NTF3: variants seen among roughly 807,000 people sequenced by gnomAD.
NTF3 encodes the protein neurotrophin 3.
Under a neutral mutation model 26.3 loss-of-function variants are expected in NTF3, and 8 were observed. The observed-to-expected ratio is 0.30, with a 90% confidence interval of 0.18 to 0.55. NTF3 has a LOEUF of 0.55. NTF3 is among the 20% of genes least tolerant of loss of function. The probability of loss-of-function intolerance (pLI) is 0.93; values close to 1 mark genes in which losing one functional copy is unlikely to be tolerated. For synonymous variants in NTF3, 154 were observed against 145.5 expected, an observed-to-expected ratio of 1.06 and a Z score of -0.42; for missense variants, 276 against 352.9, an observed-to-expected ratio of 0.78 and a Z score of 1.75.
chr12:5,481,955 G>GCA (rs140005260), intron 1 of NTF3, among the ~76,000 whole-genome samples: 5 of 149,484 alleles, frequency 3.3e-5, no homozygotes, highest in Admixed American at 6.7e-5. Flanking sequence ...TATGCACACA[G>GCA]CACACACACA....
intron 1 of NTF3, among the ~76,000 whole-genome samples, chr12:5,473,873 A>G (rs1940693521): frequency 6.6e-6 from 1 of 152,136 alleles, no homozygotes. Flanking sequence ...TTTGTGTGAG[A>G]TCACCCATGT....
intron 1 of NTF3, among the ~76,000 whole-genome samples, chr12:5,453,117 T>C (rs75914879): frequency 0.1 from 15,318 of 152,284 alleles, 749 homozygotes; most frequent in Middle Eastern, 0.15. Flanking sequence ...TGAACACATG[T>C]AGAATGCTTA....
chr12:5,446,266 C>T (rs1407694912), intron 1 of NTF3, among the ~76,000 whole-genome samples: 1 of 152,160 alleles, frequency 6.6e-6, no homozygotes, highest in Non-Finnish European at 1.5e-5. Flanking sequence ...CTTGAGGGCA[C>T]AGTTTGCATA....
At chr12:5,461,335 T>G (rs975638869) in intron 1 of NTF3, among the ~76,000 whole-genome samples, 1 of 152,188 alleles carries the variant, frequency 6.6e-6, no homozygotes, top group Non-Finnish European at 1.5e-5. Flanking sequence ...CAGTCCTCCA[T>G]GCAGCAAAAC....
At chr12:5,455,257 T>G (rs1016852752) in intron 1 of NTF3, among the ~76,000 whole-genome samples, 6 of 152,210 alleles carry the variant, frequency 3.9e-5, no homozygotes, top group African/African-American at 1.4e-4. Context: ...GCAAGCGTGC[T>G]ACTCCTTTTC....
intron 1 of NTF3, among the ~76,000 whole-genome samples, chr12:5,450,182 A>C (rs999838278): frequency 2.0e-5 from 3 of 152,204 alleles, no homozygotes; most frequent in African/African-American, 7.2e-5. Flanking sequence ...AGAGCAACAG[A>C]CAGCTGTTCC....
chr12:5,452,282 G>A (rs1046430511), intron 1 of NTF3, among the ~76,000 whole-genome samples: 4 of 151,540 alleles, frequency 2.6e-5, no homozygotes, highest in African/African-American at 9.7e-5. Flanking sequence ...TTTTAGTAGA[G>A]ACGGGGTTTC....
intron 1 of NTF3, among the ~76,000 whole-genome samples, chr12:5,447,628 A>G (rs1940322336): frequency 6.6e-6 from 1 of 152,230 alleles, no homozygotes; most frequent in Non-Finnish European, 1.5e-5. Context: ...TTCAGGTGAG[A>G]TGATGCATAG....
In NTF3 at chr12:5,433,196, G is replaced by A. The variant is rs940010463; in HGVS notation, c.18+854G>A. ...GCTCCGTACGCAGCCCGCACATCTG[G>A]GACCCCTCCGGGGAGCGGCGGGCAC... On this transcript the variant is annotated intron_variant, in intron 1 of 1. Transcript: ENST00000423158. This position sits in a 1 kb window ranked among gnomAD's most constrained non-coding sequence, Gnocchi z 4.6. 1 of 152,202 alleles carries A rather than the reference G, an allele frequency of 6.6e-6. No individual in the cohort carries two copies. Among genetic ancestry groups the A allele is most frequent in the African/African-American group, 2.4e-5 (1 of 41,430 alleles). 9.4% of individuals were successfully genotyped at this position (152,202 alleles called of 1,614,324 possible).
At position 5,482,742 on chromosome 12, in the gene NTF3, C is replaced by T. The variant is rs556288036; in HGVS notation, c.19-11452C>T. Among the ~76,000 whole-genome samples the T allele has an allele frequency of 7.2e-4, 110 of 151,842 alleles. 1 individual carries two copies. The highest frequency in any genetic ancestry group is 1.6e-3 in the African/African-American group (68 of 41,398). On this transcript the variant is annotated intron_variant, in intron 1 of 1. Transcript: ENST00000423158. Reference sequence around the variant, plus strand: ...CACTGTCTCTCTGTCTCCCTCACTCCGTGTCTCTCTCCTCTCTTCTGTGTC... The same window carrying T: ...CACTGTCTCTCTGTCTCCCTCACTCTGTGTCTCTCTCCTCTCTTCTGTGTC...
intron 1 of NTF3, among the ~76,000 whole-genome samples, chr12:5,439,297 T>A (rs749914227): frequency 3.3e-5 from 5 of 152,220 alleles, no homozygotes; most frequent in South Asian, 2.1e-4. Context: ...ATAATCTCAT[T>A]TACAGATGGG....
chr12:5,456,620 C>A lies in NTF3; in HGVS notation c.18+24278C>A, dbSNP rs545956234. Among the ~76,000 whole-genome samples the A allele has an allele frequency of 3.7e-3, 563 of 152,206 alleles. 2 individuals are homozygous for A. Among genetic ancestry groups the A allele is most frequent in the African/African-American group, 0.013 (527 of 41,536 alleles). On this transcript the variant is annotated intron_variant, in intron 1 of 1. Transcript: ENST00000423158. The surrounding 1 kb of genome is among the most constrained non-coding windows in gnomAD (Gnocchi z 4.4). ...GGGTCCTCTTCCACCCCCACCCCCA[C>A]CCCCAGCCCCTGGAGCAGGTACTCG...
upstream of NTF3, among the ~76,000 whole-genome samples, chr12:5,430,561 T>C (rs1181794854): frequency 6.6e-6 from 1 of 151,094 alleles, no homozygotes; most frequent in Admixed American, 6.6e-5. Context: ...AGGTACAATC[T>C]ATCTAGTACG....
At chr12:5,438,702 G>A (rs150881381) in intron 1 of NTF3, among the ~76,000 whole-genome samples, 323 of 152,350 alleles carry the variant, frequency 2.1e-3, no homozygotes, top group African/African-American at 5.0e-3. Context: ...GCAGCAGGTA[G>A]CTGCCTGACT....
At chr12:5,437,376 C>A (rs1399953796) in intron 1 of NTF3, among the ~76,000 whole-genome samples, 1 of 152,226 alleles carries the variant, frequency 6.6e-6, no homozygotes, top group Non-Finnish European at 1.5e-5. Context: ...GACAGGCCAG[C>A]AGAGTTTAAT....
In NTF3 at chr12:5,494,352, C is replaced by T. The variant is rs1294296085; in HGVS notation, c.177C>T (p.Asn59=). The T allele has an allele frequency of 6.2e-7, 1 of 1,614,050 alleles. No homozygotes were observed. Among genetic ancestry groups the T allele is most frequent in the Non-Finnish European group, 8.5e-7 (1 of 1,180,028 alleles). The change falls in exon 2 of 2, where the codon AAC becomes AAT. Residue 59 remains asparagine (N), a synonymous_variant. Coordinates refer to ENST00000423158, the MANE Select transcript of NTF3 (RefSeq NM_001102654.2). This position sits in a 1 kb window ranked among gnomAD's most constrained non-coding sequence, Gnocchi z 8.3. ...IKLIQADILK[N]KLSKQMVDVK... Reference sequence around the variant, plus strand: ...TGATCCAGGCAGATATTTTGAAAAACAAGCTCTCCAAGCAGATGGTGGACG... The same window carrying T: ...TGATCCAGGCAGATATTTTGAAAAATAAGCTCTCCAAGCAGATGGTGGACG...
intron 1 of NTF3, among the ~76,000 whole-genome samples, chr12:5,464,527 C>T (rs1355786118): frequency 6.6e-6 from 1 of 152,182 alleles, no homozygotes. Flanking sequence ...GTGTTTTCAA[C>T]TTAGGAGGGG....
rs1229692677 is a variant in NTF3, at chr12:5,494,176, C to T, written c.19-18C>T. On this transcript the variant is annotated intron_variant, in intron 1 of 1. Transcript: ENST00000423158. This position sits in a 1 kb window ranked among gnomAD's most constrained non-coding sequence, Gnocchi z 8.3. The stretch of plus-strand genomic sequence containing the variant: ...CAGCTGCCAGAGCCTGCTCTTAACA[C>T]CTGTGTTTCCTTTTCAGATCTTACA... 1 of 1,608,220 alleles carries T rather than the reference C, an allele frequency of 6.2e-7. No individual in the cohort carries two copies. The highest frequency in any genetic ancestry group is 8.5e-7 in the Non-Finnish European group (1 of 1,178,692).
At chr12:5,457,935 G>A (rs1050837671) in intron 1 of NTF3, among the ~76,000 whole-genome samples, 1 of 152,102 alleles carries the variant, frequency 6.6e-6, no homozygotes, top group African/African-American at 2.4e-5. Flanking sequence ...AGTTTGTCCA[G>A]ATCTCCTCGT....
Sources: gnomAD v4.1 joint callset for allele counts (sites outside exome capture counted in the v4.1 genomes callset) on GRCh38, gnomAD v4.1.1 for gene constraint, Gnocchi (gnomAD v3.1) non-coding constraint, MANE v1.5 for transcripts, NCBI Gene and HGNC (gene_info 2026-07-23, HGNC 2026-07-21) for gene names.